The following GRIN2A variants were observed in gnomAD, a reference collection of about 807,000 sequenced individuals.
GRIN2A encodes the protein glutamate receptor ionotropic, NMDA 2A.
A neutral mutation model predicts 113.4 loss-of-function variants in GRIN2A; 22 were observed. The observed-to-expected ratio is 0.19, with a 90% CI of 0.14 to 0.28. GRIN2A has a LOEUF of 0.28. GRIN2A is among the 10% of genes least tolerant of loss of function. The pLI is 1.00. For missense variants in GRIN2A, 1,502 were observed against 1,887.0 expected (o/e 0.80, Z 3.78); for synonymous variants, 827 against 738.4 (o/e 1.12, Z -1.94).
At chr16:9,985,670 A>G (rs1401676926) in intron 2 of GRIN2A, among the ~76,000 whole-genome samples, 2 of 152,136 alleles carry the variant, frequency 1.3e-5, no homozygotes, top group Non-Finnish European at 2.9e-5. Flanking sequence ...ATGGAGGTAG[A>G]GAGTAGAGTG....
chr16:9,825,615 G>T (rs367640568), intron 9 of GRIN2A, among the ~76,000 whole-genome samples: 25 of 152,158 alleles, frequency 1.6e-4, no homozygotes, highest in African/African-American at 5.5e-4. Flanking sequence ...TCTGTCTTCT[G>T]TGCCTGTAAA....
Position 9,988,117 on chromosome 16 carries a change from C to T in GRIN2A, c.415-49566G>A, listed in dbSNP as rs865938609. Among the ~76,000 whole-genome samples the T allele has an allele frequency of 5.3e-5, 8 of 152,176 alleles. No individual in the cohort carries two copies. The East Asian group carries it at 1.4e-3, about 26-fold the overall frequency. On this transcript the variant is annotated intron_variant, in intron 2 of 12. Transcript: ENST00000330684. ...CCACAACACCAACCTACCACTTAGA[C>T]GCAATAGAAGAATACCAGATCTCAA...
chr16:10,000,487 C>T (rs978864687), intron 2 of GRIN2A, among the ~76,000 whole-genome samples: 1 of 152,096 alleles, frequency 6.6e-6, no homozygotes, highest in Non-Finnish European at 1.5e-5. Context: ...GCTTTTCTTC[C>T]ACCAGTGGGC....
Position 9,760,600 on chromosome 16 carries a change from T to C in GRIN2A, c.*2549A>G, listed in dbSNP as rs1481012325. 4.5e-6 allele frequency: 1 copy of C among 220,808 alleles called. No homozygotes were observed. Among genetic ancestry groups the C allele is most frequent in the Non-Finnish European group, 9.1e-6 (1 of 110,452 alleles). The allele number at this position is 220,808 out of a possible 1,614,324, so 13.7% of individuals were successfully genotyped here. Reference sequence around the variant, plus strand: ...TTTATCCAGAGATGTATGGGGTTAATAGCAGAAATAATGCTGCTGTTAGGG... The same window carrying C: ...TTTATCCAGAGATGTATGGGGTTAACAGCAGAAATAATGCTGCTGTTAGGG... On this transcript the variant is annotated 3_prime_UTR_variant, in exon 13 of 13. Coordinates refer to ENST00000330684, the MANE Select transcript of GRIN2A (RefSeq NM_001134407.3).
At chr16:10,137,039 C>G (rs1478922382) in intron 2 of GRIN2A, among the ~76,000 whole-genome samples, 3 of 152,178 alleles carry the variant, frequency 2.0e-5, no homozygotes, top group African/African-American at 7.2e-5. Flanking sequence ...AGTTATCCTG[C>G]CTACAAGACA....
intron 3 of GRIN2A, among the ~76,000 whole-genome samples, chr16:9,930,453 T>A (rs1224041804): frequency 4.6e-5 from 7 of 151,868 alleles, no homozygotes; most frequent in Non-Finnish European, 1.0e-4. Flanking sequence ...TGATTTGTGT[T>A]CCTCTGGATT....
intron 9 of GRIN2A, among the ~76,000 whole-genome samples, chr16:9,827,352 TG>T (rs2042405769): frequency 6.6e-6 from 1 of 152,158 alleles, no homozygotes; most frequent in African/African-American, 2.4e-5. Context: ...GTGAAGGATT[TG>T]GGGGTGAGCA....
chr16:9,958,715 T>C (rs2045362516), intron 2 of GRIN2A, among the ~76,000 whole-genome samples: 1 of 152,028 alleles, frequency 6.6e-6, no homozygotes, highest in Non-Finnish European at 1.5e-5. Context: ...CATACCAGAT[T>C]GCAAGCAGAG....
At chr16:9,901,366 G>C (rs1224026308) in intron 3 of GRIN2A, among the ~76,000 whole-genome samples, 1 of 152,090 alleles carries the variant, frequency 6.6e-6, no homozygotes, top group Non-Finnish European at 1.5e-5. Flanking sequence ...GGAAAGGTCG[G>C]GGGTGATATG....
chr16:9,765,766 A>G (rs1019475079), intron 12 of GRIN2A, among the ~76,000 whole-genome samples: 3 of 152,176 alleles, frequency 2.0e-5, no homozygotes, highest in African/African-American at 7.2e-5. Context: ...GTGTGAGTCT[A>G]TTCAATGTAG....
In GRIN2A at chr16:10,000,767, G is replaced by C. The variant is rs751063085; in HGVS notation, c.415-62216C>G. ...CTCTTTCTCCTTTTTCTTCTCTTCC[G>C]CTGCTGTCTTCATTTATTTATTTTT... On this transcript the variant is annotated intron_variant, in intron 2 of 12. Coordinates refer to ENST00000330684, the MANE Select transcript of GRIN2A (RefSeq NM_001134407.3). Among the ~76,000 whole-genome samples, 3 of 152,058 alleles carry C rather than the reference G, an allele frequency of 2.0e-5. 1 individual carries two copies. Among genetic ancestry groups the C allele is most frequent in the Admixed American group, 2.0e-4 (3 of 15,272 alleles).
chr16:9,894,067 G>A lies in GRIN2A; in HGVS notation c.1008-2967C>T, dbSNP rs548373430. ...CCTAACTCAACCTGGGGAATCTGGG[G>A]AGGGCTTCCCAGGGAATCTTAATGG... On this transcript the variant is annotated intron_variant, in intron 3 of 12. Coordinates refer to ENST00000330684, the MANE Select transcript of GRIN2A (RefSeq NM_001134407.3). 5.3e-5 allele frequency among the ~76,000 whole-genome samples: 8 copies of A among 152,260 alleles called. No individual in the cohort carries two copies. The South Asian group carries it at 1.7e-3, about 32-fold the overall frequency.
intron 2 of GRIN2A, among the ~76,000 whole-genome samples, chr16:10,048,378 C>A (rs995037541): frequency 3.3e-5 from 5 of 152,170 alleles, no homozygotes; most frequent in African/African-American, 1.2e-4. Flanking sequence ...GGAGAACTGC[C>A]TACTACCTCA....
chr16:9,984,586 A>G (rs920262093), intron 2 of GRIN2A, among the ~76,000 whole-genome samples: 5 of 152,146 alleles, frequency 3.3e-5, no homozygotes, highest in African/African-American at 9.7e-5. Context: ...CACTTTTCCA[A>G]GCACCATTTC....
At chr16:10,047,500 A>G (rs1329115572) in intron 2 of GRIN2A, among the ~76,000 whole-genome samples, 1 of 152,204 alleles carries the variant, frequency 6.6e-6, no homozygotes, top group Non-Finnish European at 1.5e-5. Context: ...AGGAATTAGG[A>G]CCTCAGTTCC....
chr16:9,948,043 C>T (rs1056321250), intron 2 of GRIN2A, among the ~76,000 whole-genome samples: 2 of 152,172 alleles, frequency 1.3e-5, no homozygotes, highest in African/African-American at 2.4e-5. Context: ...AATGACACAA[C>T]TTTGCAGCAC....
chr16:10,154,243 C>A (rs2049642968), intron 2 of GRIN2A, among the ~76,000 whole-genome samples: 1 of 152,188 alleles, frequency 6.6e-6, no homozygotes, highest in Non-Finnish European at 1.5e-5. Context: ...GAAGTCGTAG[C>A]CAACCCTCGG....
At position 10,142,745 on chromosome 16, in the gene GRIN2A, T is replaced by C. The variant is rs567975909; in HGVS notation, c.414+37253A>G. Among the ~76,000 whole-genome samples the C allele has an allele frequency of 2.0e-5, 3 of 152,164 alleles. No homozygotes were observed. The East Asian group carries it at 5.8e-4, about 29-fold the overall frequency. On this transcript the variant is annotated intron_variant, in intron 2 of 12. Coordinates refer to ENST00000330684, the MANE Select transcript of GRIN2A (RefSeq NM_001134407.3). Reference sequence around the variant, plus strand: ...ACCAACCAAAGACACCCTAACCCTCTCCCATTTCCACCTAGCTTCTCTCAA... The same window carrying C: ...ACCAACCAAAGACACCCTAACCCTCCCCCATTTCCACCTAGCTTCTCTCAA...
intron 2 of GRIN2A, among the ~76,000 whole-genome samples, chr16:10,159,046 C>G (rs1311941830): frequency 3.9e-5 from 6 of 152,096 alleles, no homozygotes. Flanking sequence ...GTCAGGAGAC[C>G]TGAGTTCAGG....
Sources: allele counts gnomAD v4.1 joint callset (sites outside exome capture counted in the v4.1 genomes callset), GRCh38; gene constraint gnomAD v4.1.1; transcripts MANE v1.5; gene names NCBI Gene and HGNC (gene_info 2026-07-23, HGNC 2026-07-21).